ACYP2: variants seen among roughly 807,000 people sequenced by gnomAD.
The protein encoded by ACYP2 is acylphosphatase 2.
In ACYP2, 12 loss-of-function variants were observed where a neutral mutation model predicts 11.2. The ratio of observed to expected loss-of-function variants is 1.08; its 90% CI spans 0.69 to 1.74. ACYP2 has a LOEUF of 1.74. Ranked by LOEUF, ACYP2 falls within the 40% of genes most tolerant of loss-of-function variation. ACYP2 has a pLI of 0.00. For missense variants in ACYP2, 134 were observed against 101.9 expected (o/e 1.31, Z -1.35); for synonymous variants, 43 against 32.2 (o/e 1.33, Z -1.13).
intron 6 of ACYP2, chr2:54,255,452 G>A: frequency 6.2e-7 from 1 of 1,614,014 alleles, no homozygotes. Context: ...TAGTATTCAT[G>A]AATCTGCCCA....
chr2:54,256,065 C>T (rs1419198572), intron 6 of ACYP2: 12 of 1,614,080 alleles, frequency 7.4e-6, no homozygotes, highest in Non-Finnish European at 1.0e-5. Flanking sequence ...TCGCCTTGCT[C>T]TTTTCTCGGG....
At chr2:54,006,866 T>A (rs1293828806) in intron 2 of ACYP2, among the ~76,000 whole-genome samples, 2 of 152,064 alleles carry the variant, frequency 1.3e-5, no homozygotes, top group East Asian at 3.9e-4. Context: ...GGCTCACACC[T>A]GTAATCCCAT....
chr2:54,060,609 G>C (rs1043272541), intron 4 of ACYP2, among the ~76,000 whole-genome samples: 1 of 152,088 alleles, frequency 6.6e-6, no homozygotes, highest in Non-Finnish European at 1.5e-5. Flanking sequence ...TTCTGCAGAG[G>C]TAAGTAGGTT....
At chr2:54,259,889 T>A (rs1558651323) in intron 6 of ACYP2, among the ~76,000 whole-genome samples, 2 of 152,304 alleles carry the variant, frequency 1.3e-5, no homozygotes, top group Middle Eastern at 3.4e-3. Context: ...TTGAGAAGTT[T>A]TGTTTCAAAG....
chr2:54,218,195 G>A (rs1685636731), intron 6 of ACYP2, among the ~76,000 whole-genome samples: 1 of 152,122 alleles, frequency 6.6e-6, no homozygotes, highest in East Asian at 1.9e-4. Context: ...ATTAATTTGT[G>A]TCTTTTTTAT....
intron 2 of ACYP2, among the ~76,000 whole-genome samples, chr2:54,034,284 G>T (rs1403391294): frequency 1.3e-5 from 2 of 152,204 alleles, no homozygotes; most frequent in Non-Finnish European, 2.9e-5. Flanking sequence ...CTTGAACTCA[G>T]GAGGCGGAGG....
intron 4 of ACYP2, among the ~76,000 whole-genome samples, chr2:54,126,637 C>G (rs1680526130): frequency 7.0e-6 from 1 of 143,454 alleles, no homozygotes; most frequent in Non-Finnish European, 1.5e-5. Flanking sequence ...AATTAGAACT[C>G]TAAAACTCTT....
rs527999929 is a variant in ACYP2 at position 54,171,944 on chromosome 2, C to T, written c.404+33196C>T. Among the ~76,000 whole-genome samples the T allele has an allele frequency of 1.1e-4, 16 of 152,068 alleles. No individual in the cohort carries two copies. In the South Asian group the frequency reaches 2.7e-3, roughly 26 times the overall value. ...ATTGATATTCTTGGGTTGGGTGTGG[C>T]GGTTCACACCTGTAATCCTACCACT... On this transcript the variant is annotated intron_variant, in intron 6 of 6. Coordinates refer to ENST00000607452, the MANE Select transcript of ACYP2 (RefSeq NM_001320586.2).
At chr2:54,035,721 G>C (rs754749025) in intron 2 of ACYP2, among the ~76,000 whole-genome samples, 1 of 152,174 alleles carries the variant, frequency 6.6e-6, no homozygotes, top group Non-Finnish European at 1.5e-5. Context: ...GGTTATAGAA[G>C]AGAGTGAAAC....
chr2:53,988,801 A>G (rs915852025), intron 2 of ACYP2, among the ~76,000 whole-genome samples: 2 of 151,898 alleles, frequency 1.3e-5, no homozygotes. Context: ...GCTGGAGTGC[A>G]GTGGCATGAT....
At chr2:54,289,118 C>G (rs1402811228) in intron 6 of ACYP2, among the ~76,000 whole-genome samples, 1 of 151,902 alleles carries the variant, frequency 6.6e-6, no homozygotes, top group Admixed American at 6.6e-5. Flanking sequence ...GCTAGATATT[C>G]TTTGATCATT....
intron 6 of ACYP2, among the ~76,000 whole-genome samples, chr2:54,239,660 T>C (rs200456535): frequency 6.6e-6 from 1 of 151,870 alleles, no homozygotes; most frequent in East Asian, 1.9e-4. Flanking sequence ...CTCCAGGGGG[T>C]TGTCTAAACC....
intron 6 of ACYP2, among the ~76,000 whole-genome samples, chr2:54,164,879 AG>A (rs897506906): frequency 4.5e-4 from 68 of 152,258 alleles, no homozygotes; most frequent in Admixed American, 3.7e-3. Context: ...CCCCCGTGAC[AG>A]GCCTGGGTGT....
At chr2:53,991,410 CTT>C (rs200668201) in intron 2 of ACYP2, among the ~76,000 whole-genome samples, 4 of 141,834 alleles carry the variant, frequency 2.8e-5, no homozygotes, top group African/African-American at 2.6e-5. Context: ...ACTTTTTTTT[CTT>C]TTTTTTTTTT....
intron 6 of ACYP2, chr2:54,142,129 C>T (rs994149696): frequency 1.5e-5 from 6 of 389,954 alleles, no homozygotes; most frequent in African/African-American, 1.2e-4. Context: ...CTGCCTCAGC[C>T]TCCCAAAGTG....
At chr2:54,013,554 C>T (rs1673511849) in intron 2 of ACYP2, among the ~76,000 whole-genome samples, 1 of 151,926 alleles carries the variant, frequency 6.6e-6, no homozygotes, top group Non-Finnish European at 1.5e-5. Context: ...CCCACCTCGT[C>T]CTTCCAAAGT....
At chr2:54,150,257 C>G (rs1321098946) in intron 6 of ACYP2, among the ~76,000 whole-genome samples, 3 of 152,162 alleles carry the variant, frequency 2.0e-5, no homozygotes, top group Admixed American at 2.0e-4. Flanking sequence ...GCCTCAAAGC[C>G]TGAACTATTT....
intron 6 of ACYP2, among the ~76,000 whole-genome samples, chr2:54,194,713 T>A (rs1362236180): frequency 6.6e-6 from 1 of 152,242 alleles, no homozygotes; most frequent in Admixed American, 6.5e-5. Flanking sequence ...TGTTGCTTTG[T>A]CATGTTATTA....
chr2:54,025,902 A>T (rs1674258230), intron 2 of ACYP2, among the ~76,000 whole-genome samples: 1 of 152,220 alleles, frequency 6.6e-6, no homozygotes, highest in Admixed American at 6.5e-5. Context: ...TTTGAGACTG[A>T]GGTCAGGAAT....
Sources: gnomAD v4.1 joint callset for allele counts (sites outside exome capture counted in the v4.1 genomes callset) on GRCh38, gnomAD v4.1.1 for gene constraint, MANE v1.5 for transcripts, NCBI Gene and HGNC (gene_info 2026-07-23, HGNC 2026-07-21) for gene names.